The following CADPS2 variants were observed in gnomAD, a reference collection of about 807,000 sequenced individuals.
The protein encoded by CADPS2 is calcium dependent secretion activator 2.
A neutral mutation model predicts 172.5 loss-of-function variants in CADPS2; 93 were observed. The ratio of observed to expected loss-of-function variants is 0.54; its 90% CI spans 0.46 to 0.64. CADPS2 has a LOEUF of 0.64. Among genes scored for constraint, CADPS2 ranks in the 30% least tolerant of loss-of-function variants. The pLI, the probability that CADPS2 is intolerant of heterozygous loss-of-function variation, is 0.00. For synonymous variants in CADPS2, 546 were observed against 555.2 expected (o/e 0.98, Z 0.23); for missense variants, 1,420 against 1,565.9 (o/e 0.91, Z 1.57).
chr7:122,711,736 TC>T (rs2088763479), intron 2 of CADPS2, among the ~76,000 whole-genome samples: 1 of 152,152 alleles, frequency 6.6e-6, no homozygotes, highest in Admixed American at 6.6e-5. Context: ...CACTGCAACC[TC>T]TGCCTCCAGG....
chr7:122,510,964 A>C (rs1007071124), intron 9 of CADPS2, among the ~76,000 whole-genome samples: 2 of 152,130 alleles, frequency 1.3e-5, no homozygotes, highest in African/African-American at 4.8e-5. Context: ...TTGGGCATGG[A>C]ATTCTCTGCA....
intron 25 of CADPS2, among the ~76,000 whole-genome samples, chr7:122,376,771 GT>G (rs2042412747): frequency 6.6e-6 from 1 of 152,052 alleles, no homozygotes; most frequent in Non-Finnish European, 1.5e-5. Flanking sequence ...TGATGGATAC[GT>G]TTATGGTACA....
intron 3 of CADPS2, among the ~76,000 whole-genome samples, chr7:122,656,413 C>T (rs368091427): frequency 9.2e-5 from 14 of 152,028 alleles, no homozygotes; most frequent in South Asian, 2.1e-4. Context: ...TCTTGACTCA[C>T]GTACTGAAAA....
At position 122,837,186 on chromosome 7, in the gene CADPS2, C is replaced by T. The variant is rs1352470644; in HGVS notation, c.339+48813G>A. On this transcript the variant is annotated intron_variant, in intron 1 of 29. Coordinates refer to ENST00000449022, the MANE Select transcript of CADPS2 (RefSeq NM_017954.11). ...CCTGCTCCTGAATGACTACTGGGTA[C>T]ATAACGAAATGAAGGCAGAAATATA... Among the ~76,000 whole-genome samples, 5 of 152,238 alleles carry T rather than the reference C, an allele frequency of 3.3e-5. No individual in the cohort carries two copies. In the South Asian group the frequency reaches 8.3e-4, roughly 25 times the overall value.
intron 3 of CADPS2, among the ~76,000 whole-genome samples, chr7:122,636,523 T>C (rs915605367): frequency 7.3e-6 from 1 of 136,368 alleles, no homozygotes; most frequent in Non-Finnish European, 1.5e-5. Context: ...TGGAGTGCAA[T>C]GGTGCAATCT....
At chr7:122,467,132 T>C (rs940760531) in intron 14 of CADPS2, among the ~76,000 whole-genome samples, 22 of 152,172 alleles carry the variant, frequency 1.4e-4, no homozygotes, top group Non-Finnish European at 2.9e-5. Flanking sequence ...CTTTGCACAT[T>C]TAGCACATGG....
At chr7:122,393,376 G>T (rs1349992233) in intron 21 of CADPS2, 61 bp from the exon 22 acceptor site, 3 of 1,613,224 alleles carry the variant, frequency 1.9e-6, no homozygotes, top group Non-Finnish European at 2.5e-6. Context: ...AGATGGCCAT[G>T]TGTGAAGTCA....
chr7:122,566,485 A>G (rs2066492686), intron 7 of CADPS2, among the ~76,000 whole-genome samples: 1 of 152,190 alleles, frequency 6.6e-6, no homozygotes. Context: ...TTGCAGCTTT[A>G]TTGACAATAG....
At chr7:122,345,551 AC>A (rs776309308) in intron 28 of CADPS2, 22 bp downstream of exon 28, 1 of 1,365,106 alleles carries the variant, frequency 7.3e-7, no homozygotes, top group South Asian at 1.2e-5. Flanking sequence ...GTGTCAGCAT[AC>A]CTTGCAAGGG....
At chr7:122,575,586 A>G (rs1297101586) in intron 7 of CADPS2, among the ~76,000 whole-genome samples, 1 of 151,862 alleles carries the variant, frequency 6.6e-6, no homozygotes, top group Non-Finnish European at 1.5e-5. Context: ...ACAGGTGTGC[A>G]CCACCACACC....
At chr7:122,684,230 G>A (rs1017318528) in intron 2 of CADPS2, among the ~76,000 whole-genome samples, 5 of 151,788 alleles carry the variant, frequency 3.3e-5, no homozygotes, top group Admixed American at 6.6e-5. Flanking sequence ...ATTATATGTC[G>A]TTTCACTTAA....
chr7:122,804,340 T>A (rs1477168715), intron 1 of CADPS2, among the ~76,000 whole-genome samples: 1 of 152,176 alleles, frequency 6.6e-6, no homozygotes, highest in African/African-American at 2.4e-5. Flanking sequence ...GCACGTTGCA[T>A]TTTTCCAGCC....
intron 7 of CADPS2, among the ~76,000 whole-genome samples, chr7:122,558,592 T>C (rs1388193035): frequency 6.6e-6 from 1 of 152,106 alleles, no homozygotes; most frequent in South Asian, 2.1e-4. Context: ...TAAGGTGTAA[T>C]GGAAACCACA....
intron 2 of CADPS2, among the ~76,000 whole-genome samples, chr7:122,714,015 C>T (rs1273683773): frequency 2.0e-5 from 3 of 152,066 alleles, no homozygotes; most frequent in Admixed American, 6.6e-5. Context: ...CATTCATAAT[C>T]CATGTCAAAC....
At chr7:122,880,042 A>G (rs931569342) in intron 1 of CADPS2, among the ~76,000 whole-genome samples, 6 of 152,214 alleles carry the variant, frequency 3.9e-5, no homozygotes, top group African/African-American at 7.2e-5. Flanking sequence ...AATGACTTCT[A>G]AAGTTTACTT....
chr7:122,571,140 C>T (rs1474782466), intron 7 of CADPS2, among the ~76,000 whole-genome samples: 3 of 151,816 alleles, frequency 2.0e-5, no homozygotes, highest in Non-Finnish European at 4.4e-5. Context: ...ATGACCTTTC[C>T]AAATTCAAAA....
intron 1 of CADPS2, among the ~76,000 whole-genome samples, chr7:122,813,987 G>A (rs1021198830): frequency 3.3e-5 from 5 of 151,868 alleles, no homozygotes; most frequent in African/African-American, 1.2e-4. Flanking sequence ...AAATTACTTC[G>A]TCAATGTGTA....
intron 27 of CADPS2, among the ~76,000 whole-genome samples, chr7:122,347,263 C>T (rs1427870948): frequency 1.3e-5 from 2 of 152,002 alleles, no homozygotes; most frequent in African/African-American, 4.8e-5. Flanking sequence ...CATCTTCTCC[C>T]TAAATGAAAG....
chr7:122,862,373 T>G (rs1817168963), intron 1 of CADPS2, among the ~76,000 whole-genome samples: 1 of 152,172 alleles, frequency 6.6e-6, no homozygotes, highest in Non-Finnish European at 1.5e-5. Flanking sequence ...TTTTGTGAAA[T>G]GTCATCACAT....
Sources: gnomAD v4.1 joint callset for allele counts (sites outside exome capture counted in the v4.1 genomes callset) on GRCh38, gnomAD v4.1.1 for gene constraint, MANE v1.5 for transcripts, NCBI Gene and HGNC (gene_info 2026-07-23, HGNC 2026-07-21) for gene names.